The following NBEAL1 variants were observed in gnomAD, a reference collection of about 807,000 sequenced individuals.
NBEAL1 encodes neurobeachin like 1.
Under a neutral mutation model 351.3 loss-of-function variants are expected in NBEAL1, and 273 were observed. The ratio of observed to expected loss-of-function variants is 0.78; its 90% confidence interval spans 0.70 to 0.86. The LOEUF (loss-of-function observed/expected upper bound fraction) is 0.86. Among genes scored for constraint, NBEAL1 ranks in the 40% least tolerant of loss-of-function variants. The pLI is 0.00. For missense variants in NBEAL1, 2,961 were observed against 3,201.3 expected (o/e 0.92, Z 1.81); for synonymous variants, 1,050 against 1,086.4 (o/e 0.97, Z 0.66).
rs35686158 is a variant in NBEAL1, at chr2:203,128,601, C to CTTTT, written c.3405+676_3405+679dup. 1.6e-3 allele frequency among the ~76,000 whole-genome samples: 220 copies of CTTTT among 139,358 alleles called. 7 individuals carry two copies. The East Asian group carries it at 0.045, about 28-fold the overall frequency. The allele number at this position is 139,358 out of a possible 152,430, so 91.4% of individuals were successfully genotyped here. A position where few individuals can be genotyped will look rare whatever the true frequency, so the allele number is the denominator to read the frequency against. On this transcript the variant is annotated intron_variant, in intron 24 of 55. Coordinates refer to ENST00000683969, the MANE Select transcript of NBEAL1 (RefSeq NM_001378026.1). ...TCAAAGTTAGTGGGTAGATTTCTTT[C>CTTTT]TTTTTTTTTTTTTTTGAGACAGAGT...
rs554796280 is a variant in NBEAL1 at position 203,127,267 on chromosome 2, A to G, written c.3248+341A>G. On this transcript the variant is annotated intron_variant, in intron 23 of 55. Coordinates refer to ENST00000683969, the MANE Select transcript of NBEAL1 (RefSeq NM_001378026.1). The stretch of plus-strand genomic sequence containing the variant: ...GTAAAACACTTAAAGTATGTCTGCT[A>G]TGCAGTGGGTGTTGTATTCACATAA... Among the ~76,000 whole-genome samples the G allele has an allele frequency of 8.5e-5, 13 of 152,356 alleles. No homozygotes were observed. In the South Asian group the frequency reaches 2.3e-3, roughly 27 times the overall value.
chr2:203,099,951 A>G (rs777156179), intron 12 of NBEAL1, among the ~76,000 whole-genome samples: 2 of 152,030 alleles, frequency 1.3e-5, no homozygotes, highest in East Asian at 1.9e-4. Context: ...TTGTGTCCAT[A>G]TGAACTCAGT....
At chr2:203,096,939 A>T (rs1279657071) in intron 10 of NBEAL1, among the ~76,000 whole-genome samples, 1 of 152,168 alleles carries the variant, frequency 6.6e-6, no homozygotes, top group Non-Finnish European at 1.5e-5. Flanking sequence ...TGTGTGTATT[A>T]GTCCATTTTC....
At chr2:203,111,944 A>G (rs142193727) in intron 15 of NBEAL1, 35 bp from the exon 16 acceptor site, 1,826 of 1,534,828 alleles carry the variant, frequency 1.2e-3, no homozygotes, top group Admixed American at 1.5e-3. Flanking sequence ...ACATAATGTA[A>G]TTTTATCCTT....
chr2:203,172,758 G>A lies in NBEAL1; in HGVS notation c.6228G>A (p.Ser2076=), dbSNP rs199575214. The change falls in exon 41 of 56, where the codon TCG becomes TCA. Residue 2076 remains serine (S), a synonymous_variant. Coordinates refer to ENST00000683969, the MANE Select transcript of NBEAL1 (RefSeq NM_001378026.1). The part of the protein sequence containing the change: ...VFPWILQDYT[S]EELDLNNPAV... ...CCTGGATTTTACAAGATTATACTTC[G>A]GAAGAGTTGGACCTTAATAACCCTG... The A allele has an allele frequency of 6.2e-4, 999 of 1,609,160 alleles. 3 individuals carry two copies. Among genetic ancestry groups the A allele is most frequent in the Non-Finnish European group, 6.4e-4 (748 of 1,177,562 alleles).
intron 45 of NBEAL1, among the ~76,000 whole-genome samples, chr2:203,189,905 G>T (rs547761559): frequency 6.6e-6 from 1 of 151,886 alleles, no homozygotes; most frequent in African/African-American, 2.4e-5. Context: ...GGAGGCTGGG[G>T]CAGGCAGATC....
chr2:203,099,378 G>A (rs553246396), intron 11 of NBEAL1, among the ~76,000 whole-genome samples: 5 of 151,424 alleles, frequency 3.3e-5, no homozygotes, highest in South Asian at 2.1e-4. Context: ...TGTTAAGCTT[G>A]TTTTTTTCTC....
intron 55 of NBEAL1, among the ~76,000 whole-genome samples, chr2:203,216,759 A>G (rs2065901178): frequency 6.6e-6 from 1 of 152,110 alleles, no homozygotes; most frequent in Non-Finnish European, 1.5e-5. Context: ...AGACAAAATA[A>G]GTGTAAAAGT....
intron 55 of NBEAL1, chr2:203,213,876 A>G (rs529197822): frequency 1.4e-6 from 1 of 696,946 alleles, no homozygotes; most frequent in Middle Eastern, 7.3e-4. Context: ...CTACCACTCT[A>G]TAGGAATAAG....
Position 203,177,221 on chromosome 2 carries a change from T to C in NBEAL1, c.6464+1934T>C, listed in dbSNP as rs372066142. Among the ~76,000 whole-genome samples, 13 of 149,916 alleles carry C rather than the reference T, an allele frequency of 8.7e-5. 1 individual carries two copies. In the East Asian group the frequency reaches 2.1e-3, roughly 25 times the overall value. Reference sequence around the variant, plus strand: ...ATACCTGATAAGGGACTTTTATATATTTGTACCTAGAATATATAAAAAACC... The same window carrying C: ...ATACCTGATAAGGGACTTTTATATACTTGTACCTAGAATATATAAAAAACC... On this transcript the variant is annotated intron_variant, in intron 42 of 55. Coordinates refer to ENST00000683969, the MANE Select transcript of NBEAL1 (RefSeq NM_001378026.1).
intron 10 of NBEAL1, among the ~76,000 whole-genome samples, chr2:203,086,720 A>T (rs2061967646): frequency 6.6e-6 from 1 of 152,136 alleles, no homozygotes; most frequent in Admixed American, 6.5e-5. Context: ...TTTTTAGTAG[A>T]GACAGGGTTT....
In NBEAL1 at chr2:203,057,392, G is replaced by C; in HGVS notation, c.454G>C (p.Ala152Pro). Residue 152 changes from alanine to proline, a missense_variant, in exon 6 of 56, where the codon GCA (alanine) becomes CCA (proline). Ala to Pro is a conservative substitution (Grantham distance 27). Coordinates refer to ENST00000683969, the MANE Select transcript of NBEAL1 (RefSeq NM_001378026.1). Reference protein sequence around the residue: ...QTCIEEFVIHALAFCESLYDP... With the variant: ...QTCIEEFVIHPLAFCESLYDP... ...ATGTATTGAAGAATTTGTGATCCAC[G>C]CATTGGCATTTTGTGAAAGCTTATA... 1 of 1,552,248 alleles carries C rather than the reference G, an allele frequency of 6.4e-7. No homozygotes were observed. The highest frequency in any genetic ancestry group is 8.7e-7 in the Non-Finnish European group (1 of 1,146,254).
At chr2:203,099,479 T>C in intron 11 of NBEAL1, 150 bp from the exon 12 acceptor site, 1 of 548,078 alleles carries the variant, frequency 1.8e-6, no homozygotes, top group Non-Finnish European at 3.2e-6. Context: ...CCTTGCAGGT[T>C]ATAGTGTTTC....
In NBEAL1 at chr2:203,167,332, C is replaced by A; in HGVS notation, c.5969C>A (p.Ser1990Tyr). ...SALEIFHVDQ[S>Y]NYFLNFKKEV... is the part of the protein sequence containing the mutation. ...CTTGAGATTTTTCATGTTGACCAAT[C>A]CAACTACTTTCTCAATTTCAAAAAA... is the stretch of plus-strand genomic sequence containing the variant. The change falls in exon 38 of 56, where the codon TCC (serine) becomes TAC (tyrosine). Residue 1990 changes from serine to tyrosine, a missense_variant. Coordinates refer to ENST00000683969, the MANE Select transcript of NBEAL1 (RefSeq NM_001378026.1). 6 of 1,610,676 alleles carry A rather than the reference C, an allele frequency of 3.7e-6. No individual in the cohort carries two copies. Among genetic ancestry groups the A allele is most frequent in the Non-Finnish European group, 5.1e-6 (6 of 1,178,616 alleles).
intron 49 of NBEAL1, among the ~76,000 whole-genome samples, chr2:203,200,694 A>G (rs2065373777): frequency 6.6e-6 from 1 of 152,070 alleles, no homozygotes; most frequent in African/African-American, 2.4e-5. Context: ...ACTCCACCTC[A>G]AAAAAACTAA....
chr2:203,111,916 G>A (rs984398580), intron 15 of NBEAL1, 63 bp from the exon 16 acceptor site: 1 of 1,491,256 alleles, frequency 6.7e-7, no homozygotes, highest in African/African-American at 1.4e-5. Flanking sequence ...ACTTCTGAAA[G>A]CATTTGTCAT....
rs2061524099 is a variant in NBEAL1, at chr2:203,062,957, T to A, written c.516-5436T>A. On this transcript the variant is annotated intron_variant, in intron 6 of 55. Coordinates refer to ENST00000683969, the MANE Select transcript of NBEAL1 (RefSeq NM_001378026.1). The surrounding 1 kb of genome is among the most constrained non-coding windows in gnomAD (Gnocchi z 4.2). ...TAGAAGATATATATTTTCTTATTCATTGTGTTTAATGCTTACCAAAATAGC... is the reference window on the plus strand; with the variant it reads ...TAGAAGATATATATTTTCTTATTCAATGTGTTTAATGCTTACCAAAATAGC... Among the ~76,000 whole-genome samples the A allele has an allele frequency of 6.6e-6, 1 of 152,210 alleles. No individual in the cohort carries two copies. The highest frequency in any genetic ancestry group is 1.5e-5 in the Non-Finnish European group (1 of 68,040).
At position 203,169,823 on chromosome 2, in the gene NBEAL1, A is replaced by T; in HGVS notation, c.6074A>T (p.Glu2025Val). ...TATTATGGAAGCAGATCACCACAGGAGTTATTCAAAGCATCAGGATTGACA... is the reference window on the plus strand; with the variant it reads ...TATTATGGAAGCAGATCACCACAGGTGTTATTCAAAGCATCAGGATTGACA... ...NSYYGSRSPQELFKASGLTQK... is the reference protein window; with the variant it reads ...NSYYGSRSPQVLFKASGLTQK... The change falls in exon 39 of 56, where the codon GAG becomes GTG. Residue 2025 changes from glutamate to valine, a missense_variant. By Grantham distance (121) the Glu-to-Val change is moderately radical (BLOSUM62 -2). Coordinates refer to ENST00000683969, the MANE Select transcript of NBEAL1 (RefSeq NM_001378026.1). 6.2e-7 allele frequency: 1 copy of T among 1,607,356 alleles called. No homozygotes were observed. Among genetic ancestry groups the T allele is most frequent in the Non-Finnish European group, 8.5e-7 (1 of 1,175,888 alleles).
rs576381279 is a variant in NBEAL1, at chr2:203,024,187, CTCTT to C, written c.51+7756_51+7759del. Among the ~76,000 whole-genome samples the C allele has an allele frequency of 2.4e-3, 366 of 149,660 alleles. 3 individuals are homozygous for C. Among genetic ancestry groups the C allele is most frequent in the Non-Finnish European group, 3.0e-3 (203 of 67,556 alleles). ...GTCCAGCCTGGGTGACAGAGTAAGA[CTCTT>C]TCTCACACAAAAAAAAAAAAAGAAA... On this transcript the variant is annotated intron_variant, in intron 2 of 55. Coordinates refer to ENST00000683969, the MANE Select transcript of NBEAL1 (RefSeq NM_001378026.1).
Sources: gnomAD v4.1 joint callset for allele counts (sites outside exome capture counted in the v4.1 genomes callset) on GRCh38, gnomAD v4.1.1 for gene constraint, Gnocchi (gnomAD v3.1) non-coding constraint, MANE v1.5 for transcripts, NCBI Gene and HGNC (gene_info 2026-07-23, HGNC 2026-07-21) for gene names.